The following SUDS3 variants were observed in gnomAD, a reference collection of about 807,000 sequenced individuals.
SUDS3 encodes the protein sin3 histone deacetylase corepressor complex component SDS3.
In SUDS3, 23 loss-of-function variants were observed where a neutral mutation model predicts 53.5. That is an observed-to-expected ratio of 0.43 (90% CI 0.31 to 0.61). The LOEUF is 0.61. SUDS3 is among the 20% of genes least tolerant of loss of function. SUDS3 has a pLI of 0.10. For synonymous variants in SUDS3, 150 were observed against 148.5 expected (o/e 1.01, Z -0.08); for missense variants, 291 against 405.9 (o/e 0.72, Z 2.43).
rs775544200 is a variant in SUDS3, at chr12:118,400,745, C to A, written c.604C>A (p.Pro202Thr). ...PVPIPDKRRKPAPAQLNYLLT... is the reference protein window; with the variant it reads ...PVPIPDKRRKTAPAQLNYLLT... ...CCCCATCCCAGACAAGAGGAGGAAACCTGCTCCAGATATCCATTTACATCA... is the reference window on the plus strand; with the variant it reads ...CCCCATCCCAGACAAGAGGAGGAAAACTGCTCCAGATATCCATTTACATCA... Residue 202 changes from proline to threonine, a missense_variant, in exon 7 of 12, where the codon CCT becomes ACT. Pro to Thr is a conservative substitution (Grantham distance 38, BLOSUM62 -1). This residue lies in a region of SUDS3 where 55 missense variants were observed against 124.2 expected (regional missense o/e 0.44). Transcript: ENST00000543473. 6.2e-7 allele frequency: 1 copy of A among 1,613,924 alleles called. No homozygotes were observed. Among genetic ancestry groups the A allele is most frequent in the Non-Finnish European group, 8.5e-7 (1 of 1,179,830 alleles).
chr12:118,403,043 C>T (rs1310222330), intron 9 of SUDS3, among the ~76,000 whole-genome samples: 1 of 152,176 alleles, frequency 6.6e-6, no homozygotes, highest in African/African-American at 2.4e-5. Context: ...CAGGTGTGCG[C>T]CACCGCACCC....
chr12:118,400,306 G>A (rs554576852), intron 6 of SUDS3, among the ~76,000 whole-genome samples: 77 of 152,216 alleles, frequency 5.1e-4, no homozygotes, highest in Non-Finnish European at 9.6e-4. Context: ...TGACCTTCAG[G>A]TTCCTTCCTA....
Position 118,386,224 on chromosome 12 carries a change from G to A in SUDS3, c.340+39G>A, listed in dbSNP as rs970773960. The A allele has an allele frequency of 2.0e-6, 3 of 1,511,356 alleles. No homozygotes were observed. The African/African-American group carries it at 4.1e-5, about 21-fold the overall frequency. The allele number at this position is 1,511,356 out of a possible 1,614,324, so 93.6% of individuals were successfully genotyped here. A position where few individuals can be genotyped will look rare whatever the true frequency, so the allele number is the denominator to read the frequency against. On this transcript the variant is annotated intron_variant, in intron 4 of 11. Transcript: ENST00000543473. ...AAATGGCAATGAATCATCTTTCAAT[G>A]TTTGACCATTTGCCGATCGTCGGTG... is the stretch of plus-strand genomic sequence containing the variant.
intron 2 of SUDS3, among the ~76,000 whole-genome samples, chr12:118,381,345 T>C (rs982138707): frequency 6.6e-6 from 1 of 151,240 alleles, no homozygotes. Flanking sequence ...GCTGGGATTA[T>C]AGACATGCAC....
intron 4 of SUDS3, among the ~76,000 whole-genome samples, chr12:118,388,413 T>C (rs1044335608): frequency 6.6e-5 from 10 of 152,244 alleles, no homozygotes; most frequent in African/African-American, 2.2e-4. Flanking sequence ...TGGAGAATCT[T>C]TGTGGACTGT....
chr12:118,377,845 G>C (rs755513149), intron 1 of SUDS3, among the ~76,000 whole-genome samples: 7 of 152,208 alleles, frequency 4.6e-5, no homozygotes, highest in Non-Finnish European at 8.8e-5. Context: ...TTATTCATCT[G>C]AGTTTCCCGA....
intron 10 of SUDS3, 52 bp from the exon 11 acceptor site, chr12:118,411,021 C>G: frequency 6.8e-7 from 1 of 1,475,292 alleles, no homozygotes; most frequent in Non-Finnish European, 9.3e-7. Context: ...TTGGTTTTTA[C>G]TTCCTGTCTC....
intron 6 of SUDS3, among the ~76,000 whole-genome samples, chr12:118,395,589 T>C (rs1170843733): frequency 6.6e-6 from 1 of 152,148 alleles, no homozygotes; most frequent in Non-Finnish European, 1.5e-5. Flanking sequence ...TCACTGTTTA[T>C]TGCTCTCCCT....
intron 9 of SUDS3, 189 bp downstream of exon 9, chr12:118,402,193 C>T (rs1014643739): frequency 3.4e-6 from 2 of 586,256 alleles, no homozygotes; most frequent in South Asian, 5.0e-5. Flanking sequence ...TTTTTCATAA[C>T]CCCTGCTTTG....
chr12:118,414,654 A>G lies in SUDS3; in HGVS notation c.*221A>G, dbSNP rs1032685099. 45 of 431,686 alleles carry G rather than the reference A, an allele frequency of 1.0e-4. No individual in the cohort carries two copies. The highest frequency in any genetic ancestry group is 1.1e-4 in the East Asian group (3 of 26,950). 26.7% of individuals were successfully genotyped at this position (431,686 alleles called of 1,614,324 possible). Reference sequence around the variant, plus strand: ...CAACTTCTTCCAGACATCAGTCACCATGAGACTGTTTTACTTTCAGGCGTA... The same window carrying G: ...CAACTTCTTCCAGACATCAGTCACCGTGAGACTGTTTTACTTTCAGGCGTA... On this transcript the variant is annotated 3_prime_UTR_variant, in exon 12 of 12. Coordinates refer to ENST00000543473, the MANE Select transcript of SUDS3 (RefSeq NM_022491.3).
intron 10 of SUDS3, among the ~76,000 whole-genome samples, chr12:118,409,643 T>C (rs2046341353): frequency 6.6e-6 from 1 of 152,236 alleles, no homozygotes; most frequent in Non-Finnish European, 1.5e-5. Flanking sequence ...GAATAAGCCA[T>C]CATGCTTTGC....
chr12:118,388,426 G>A (rs537563306), intron 4 of SUDS3, among the ~76,000 whole-genome samples: 3 of 152,250 alleles, frequency 2.0e-5, no homozygotes, highest in African/African-American at 7.2e-5. Context: ...TGGACTGTAC[G>A]CACAGCCCCC....
chr12:118,376,576 G>C lies in SUDS3; in HGVS notation c.-116G>C, dbSNP rs973998574. ...CGGCGGAGACGGGGAAGGGGTCGCC[G>C]TGGCTGCCGGTCCTCGAGTTGGGGG... is the stretch of plus-strand genomic sequence containing the variant. On this transcript the variant is annotated 5_prime_UTR_variant, in exon 1 of 12. Transcript: ENST00000543473. 6.5e-6 allele frequency: 8 copies of C among 1,225,580 alleles called. No homozygotes were observed. In the African/African-American group the frequency reaches 1.3e-4, roughly 19 times the overall value. The allele number at this position is 1,225,580 out of a possible 1,614,324, so 75.9% of individuals were successfully genotyped here. A position where few individuals can be genotyped will look rare whatever the true frequency, so the allele number is the denominator to read the frequency against.
rs1175542467 is a variant in SUDS3, at chr12:118,393,512, A to G, written c.517+2230A>G. On this transcript the variant is annotated intron_variant, in intron 6 of 11. Transcript: ENST00000543473. ...GGAAAACTGGGTTGTTCAGGTAGAA[A>G]TGAGTAACTGTACATAGAGAAGCTA... 2.0e-5 allele frequency among the ~76,000 whole-genome samples: 3 copies of G among 152,298 alleles called. No individual in the cohort carries two copies. In the East Asian group the frequency reaches 5.8e-4, roughly 29 times the overall value.
At chr12:118,405,658 C>CT (rs1322644306) in intron 10 of SUDS3, among the ~76,000 whole-genome samples, 2 of 152,012 alleles carry the variant, frequency 1.3e-5, no homozygotes, top group African/African-American at 4.8e-5. Flanking sequence ...CATTTTTGGC[C>CT]TTGGCAGTCA....
intron 1 of SUDS3, among the ~76,000 whole-genome samples, chr12:118,377,274 C>G (rs1478076056): frequency 1.3e-5 from 2 of 151,898 alleles, no homozygotes; most frequent in East Asian, 3.9e-4. Flanking sequence ...CTATTGAGAA[C>G]TCAGGTTGGT....
intron 6 of SUDS3, among the ~76,000 whole-genome samples, chr12:118,397,304 T>C (rs1229659798): frequency 6.6e-6 from 1 of 152,160 alleles, no homozygotes; most frequent in Non-Finnish European, 1.5e-5. Context: ...ATTGAGCGTC[T>C]TGGGACTCTT....
chr12:118,391,342 G>A (rs2046166444), intron 6 of SUDS3, 60 bp downstream of exon 6: 1 of 1,525,724 alleles, frequency 6.6e-7, no homozygotes, highest in African/African-American at 1.4e-5. Context: ...GTGAAGGGCT[G>A]TTCCAGTTAC....
At chr12:118,395,225 T>TG (rs1272459924) in intron 6 of SUDS3, among the ~76,000 whole-genome samples, 1 of 138,998 alleles carries the variant, frequency 7.2e-6, no homozygotes, top group East Asian at 2.3e-4. Flanking sequence ...GGTTTTTTTT[T>TG]TTTTTTTTTT....
Sources: allele counts gnomAD v4.1 joint callset (sites outside exome capture counted in the v4.1 genomes callset), GRCh38; gene constraint gnomAD v4.1.1; regional missense constraint gnomAD v4.1.1; transcripts MANE v1.5; gene names NCBI Gene and HGNC (gene_info 2026-07-23, HGNC 2026-07-21).